NLRC3: variants seen among roughly 807,000 people sequenced by gnomAD.
NLRC3 encodes NLR family CARD domain containing 3.
In NLRC3, 87 loss-of-function variants were observed where a neutral mutation model predicts 91.6. The ratio of observed to expected loss-of-function variants is 0.95; its 90% CI spans 0.80 to 1.14. NLRC3 has a LOEUF of 1.14. NLRC3 is among the 50% of genes most tolerant of loss of function. The pLI, the probability that NLRC3 is intolerant of heterozygous loss-of-function variation, is 0.00. For missense variants in NLRC3, 1,577 were observed against 1,418.6 expected (o/e 1.11, Z -1.79); for synonymous variants, 694 against 625.3 (o/e 1.11, Z -1.64).
Position 3,543,446 on chromosome 16 carries a change from T to A in NLRC3, c.2918A>T (p.Asn973Ile), listed in dbSNP as rs1368891179. The stretch of plus-strand genomic sequence containing the variant: ...TTACTCGAGAATCTCCAAGGTTCTG[T>A]TCACAGCCAAGGCTTCCCCTAGCAC... ...AQVLGEALAV[N>I]RTLEILDLRG... Residue 973 changes from asparagine (N) to isoleucine (I), a missense_variant, in exon 17 of 20, where the codon AAC becomes ATC. By Grantham distance (149) the Asn-to-Ile change is moderately radical. Coordinates refer to ENST00000359128, the MANE Select transcript of NLRC3 (RefSeq NM_178844.4). The A allele has an allele frequency of 6.2e-7, 1 of 1,612,738 alleles. No individual in the cohort carries two copies. The highest frequency in any genetic ancestry group is 8.5e-7 in the Non-Finnish European group (1 of 1,179,208).
chr16:3,576,447 G>T (rs1296144161), intron 1 of NLRC3, among the ~76,000 whole-genome samples: 1 of 152,194 alleles, frequency 6.6e-6, no homozygotes, highest in Non-Finnish European at 1.5e-5. Flanking sequence ...GAGGCCCAGA[G>T]AAGTAGCCTC....
rs200982705 is a variant in NLRC3, at chr16:3,563,783, C to T, written c.1154G>A (p.Arg385His). The T allele has an allele frequency of 4.9e-4, 789 of 1,612,408 alleles. 6 individuals are homozygous for T. Among genetic ancestry groups the T allele is most frequent in the African/African-American group, 3.1e-4 (23 of 74,942 alleles). The stretch of plus-strand genomic sequence containing the variant: ...GCCACCATGGGCCACCTGCTCGATG[C>T]GAGGGCTTGCCTTGCCCTTCTCCTG... The part of the protein sequence containing the change: ...EGQEKGKASP[R>H]IEQVAHGGRK... Residue 385 changes from arginine to histidine, a missense_variant, in exon 5 of 20, where the codon CGC becomes CAC. By Grantham distance (29) the Arg-to-His change is conservative. Coordinates refer to ENST00000359128, the MANE Select transcript of NLRC3 (RefSeq NM_178844.4).
intron 7 of NLRC3, 82 bp from the exon 8 acceptor site, chr16:3,557,076 A>C (rs2039377109): frequency 1.1e-6 from 1 of 947,660 alleles, no homozygotes; most frequent in Admixed American, 2.0e-5. Flanking sequence ...TGACCTTGAA[A>C]TTCGTGATCC....
intron 10 of NLRC3, among the ~76,000 whole-genome samples, chr16:3,551,646 T>A (rs938780767): frequency 6.6e-6 from 1 of 150,498 alleles, no homozygotes; most frequent in Non-Finnish European, 1.5e-5. Flanking sequence ...CAACCATCCA[T>A]CCATCCATTC....
At chr16:3,568,781 A>G (rs750999776) in intron 1 of NLRC3, among the ~76,000 whole-genome samples, 1 of 152,188 alleles carries the variant, frequency 6.6e-6, no homozygotes, top group Non-Finnish European at 1.5e-5. Flanking sequence ...GTATGGGTCC[A>G]TGTGGGTAAT....
Position 3,541,724 on chromosome 16 carries a change from G to A in NLRC3, c.*101C>T, listed in dbSNP as rs766222641. ...AGAGCCCGGCTCTCGTGCTGAGCAA[G>A]CAGCGTTCCCAGCTCCCAGACAGGC... On this transcript the variant is annotated 3_prime_UTR_variant, in exon 20 of 20. Transcript: ENST00000359128. 85 of 770,460 alleles carry A rather than the reference G, an allele frequency of 1.1e-4. No homozygotes were observed. Among genetic ancestry groups the A allele is most frequent in the Non-Finnish European group, 1.7e-4 (77 of 449,694 alleles). 47.7% of individuals were successfully genotyped at this position (770,460 alleles called of 1,614,324 possible).
intron 9 of NLRC3, 38 bp downstream of exon 9, chr16:3,554,204 A>G (rs1257216592): frequency 6.8e-7 from 1 of 1,460,742 alleles, no homozygotes; most frequent in East Asian, 2.3e-5. Context: ...AGGAGGGAGA[A>G]GGGAGAGAAG....
At chr16:3,542,600 A>G (rs569947695) in intron 18 of NLRC3, 92 bp downstream of exon 18, 3 of 736,428 alleles carry the variant, frequency 4.1e-6, no homozygotes, top group Non-Finnish European at 7.1e-6. Flanking sequence ...AAATAGCTAC[A>G]GAAGAAATCA....
chr16:3,573,008 T>G (rs1221899244), intron 1 of NLRC3, among the ~76,000 whole-genome samples: 3 of 109,864 alleles, frequency 2.7e-5, no homozygotes, highest in Non-Finnish European at 5.3e-5. Flanking sequence ...CAAGACTCTA[T>G]CTCAAAAAAA....
chr16:3,569,397 A>ATTTTTTTTTTTTT (rs1203778704), intron 1 of NLRC3, among the ~76,000 whole-genome samples: 1 of 41,060 alleles, frequency 2.4e-5, no homozygotes, highest in Non-Finnish European at 3.8e-5. Context: ...TATATATATT[A>ATTTTTTTTTTTTT]TTTTTTTTTT....
rs2038319017 is a variant in NLRC3 at position 3,539,538 on chromosome 16, T to A, written c.*2287A>T. The A allele has an allele frequency of 6.6e-6, 1 of 152,184 alleles. No homozygotes were observed. Among genetic ancestry groups the A allele is most frequent in the African/African-American group, 2.4e-5 (1 of 41,426 alleles). 9.4% of individuals were successfully genotyped at this position (152,184 alleles called of 1,614,324 possible). On this transcript the variant is annotated 3_prime_UTR_variant, in exon 20 of 20. Transcript: ENST00000359128. ...CTCCTGAGGTTTCTTCAGCGTTAGG[T>A]TTCTGTAGGGCCCAGCTTTCTCCAG...
At position 3,541,674 on chromosome 16, in the gene NLRC3, G is replaced by A. The variant is rs1039052843; in HGVS notation, c.*151C>T. 8.0e-6 allele frequency: 5 copies of A among 622,886 alleles called. No individual in the cohort carries two copies. Among genetic ancestry groups the A allele is most frequent in the African/African-American group, 3.7e-5 (2 of 54,484 alleles). The allele number at this position is 622,886 out of a possible 1,614,324, so 38.6% of individuals were successfully genotyped here. On this transcript the variant is annotated 3_prime_UTR_variant, in exon 20 of 20. Transcript: ENST00000359128. ...AGAAGAGGAGCTCACGACCTCCTCCGGCAGCACCTCTCCTTCCTCCCTGCA... is the reference window on the plus strand; with the variant it reads ...AGAAGAGGAGCTCACGACCTCCTCCAGCAGCACCTCTCCTTCCTCCCTGCA...
chr16:3,577,187 G>A lies in NLRC3; in HGVS notation c.-207C>T, dbSNP rs1216666704. On this transcript the variant is annotated 5_prime_UTR_variant, in exon 1 of 20. Coordinates refer to ENST00000359128, the MANE Select transcript of NLRC3 (RefSeq NM_178844.4). ...ATGCTGCTCCAGGGACAGCAAGACT[G>A]GGGGGCCTGGGGGCGTCCATCTCCA... The A allele has an allele frequency of 1.4e-6, 1 of 702,782 alleles. No homozygotes were observed. The highest frequency in any genetic ancestry group is 2.6e-6 in the Non-Finnish European group (1 of 384,936). The allele number at this position is 702,782 out of a possible 1,614,324, so 43.5% of individuals were successfully genotyped here.
chr16:3,564,107 C>G lies in NLRC3; in HGVS notation c.830G>C (p.Gly277Ala), dbSNP rs368392722. The G allele has an allele frequency of 1.2e-6, 2 of 1,613,710 alleles. No homozygotes were observed. The highest frequency in any genetic ancestry group is 1.7e-6 in the Non-Finnish European group (2 of 1,179,894). The change falls in exon 5 of 20, where the codon GGG (glycine) becomes GCG (alanine). Residue 277 changes from glycine (G) to alanine (A), a missense_variant. Gly to Ala is a moderately conservative substitution (Grantham distance 60). Transcript: ENST00000359128. The surrounding 1 kb of genome is among the most constrained non-coding windows in gnomAD (Gnocchi z 5.9). Reference sequence around the variant, plus strand: ...CTCCGTCATCCGGTCCACCAGGCCCCCTGGGATCTGGCCAGATGCACTGGG... The same window carrying G: ...CTCCGTCATCCGGTCCACCAGGCCCGCTGGGATCTGGCCAGATGCACTGGG... ...SRPSASGQIP[G>A]GLVDRMTEIR...
rs748281109 is a variant in NLRC3, at chr16:3,541,840, GC to G, written c.3182del (p.Cys1061SerfsTer23). ...TCCACCAGGATCACATTTCAACAGT[GC>G]ACGTGGGAGCATTTGTCTTGATGGC... ...SEAIKTNAPT[C>X]TVEM On this transcript the variant is annotated frameshift_variant, in exon 20 of 20. Coordinates refer to ENST00000359128, the MANE Select transcript of NLRC3 (RefSeq NM_178844.4). LOFTEE classifies it high-confidence loss of function. The G allele has an allele frequency of 1.9e-6, 3 of 1,609,324 alleles. No individual in the cohort carries two copies. The highest frequency in any genetic ancestry group is 2.6e-6 in the Non-Finnish European group (3 of 1,176,188).
rs1476963478 is a variant in NLRC3, at chr16:3,561,736, G to A, written c.1981C>T (p.Leu661=). The A allele has an allele frequency of 6.2e-7, 1 of 1,613,538 alleles. No homozygotes were observed. The highest frequency in any genetic ancestry group is 8.5e-7 in the Non-Finnish European group (1 of 1,179,650). The change falls in exon 6 of 20, where the codon CTG becomes TTG. Residue 661 remains leucine, a synonymous_variant. Coordinates refer to ENST00000359128, the MANE Select transcript of NLRC3 (RefSeq NM_178844.4). ...DPVMELLGSV[L]SGKDCRIQKI... is the part of the protein sequence containing the mutation. ...TGAATGCGACAGTCCTTCCCACTCAGCACGCTGCCCAGCAGCTCCATCACG... is the reference window on the plus strand; with the variant it reads ...TGAATGCGACAGTCCTTCCCACTCAACACGCTGCCCAGCAGCTCCATCACG...
chr16:3,570,952 C>A (rs909553487), intron 1 of NLRC3, among the ~76,000 whole-genome samples: 11 of 152,138 alleles, frequency 7.2e-5, no homozygotes, highest in African/African-American at 2.7e-4. Flanking sequence ...TTCTAGAATA[C>A]AGTCTTCCAT....
chr16:3,567,619 C>T (rs886074271), intron 1 of NLRC3, among the ~76,000 whole-genome samples: 1 of 151,548 alleles, frequency 6.6e-6, no homozygotes, highest in Non-Finnish European at 1.5e-5. Flanking sequence ...ACTAATAATA[C>T]AAATGAGCTG....
rs57860901 is a variant in NLRC3, at chr16:3,565,469, C to CAA, written c.-86-91_-86-90dup. 1.3e-3 allele frequency: 58 copies of CAA among 44,862 alleles called. 4 individuals are homozygous for CAA. Among genetic ancestry groups the CAA allele is most frequent in the Non-Finnish European group, 1.6e-3 (42 of 25,624 alleles). The allele number at this position is 44,862 out of a possible 1,614,324, so 2.8% of individuals were successfully genotyped here. ...CTCTGTTGGAACATGTGGGAAAAAGCAAAAAAAAAAAAAAAAAAAAAAAAA... is the reference window on the plus strand; with the variant it reads ...CTCTGTTGGAACATGTGGGAAAAAGCAAAAAAAAAAAAAAAAAAAAAAAAAAA... On this transcript the variant is annotated intron_variant, in intron 2 of 19. Coordinates refer to ENST00000359128, the MANE Select transcript of NLRC3 (RefSeq NM_178844.4).
Sources: allele counts gnomAD v4.1 joint callset (sites outside exome capture counted in the v4.1 genomes callset), GRCh38; gene constraint gnomAD v4.1.1; non-coding constraint Gnocchi (gnomAD v3.1); transcripts MANE v1.5; gene names NCBI Gene and HGNC (gene_info 2026-07-23, HGNC 2026-07-21).